UBA6: variants seen among roughly 807,000 people sequenced by gnomAD.
UBA6 encodes the protein ubiquitin like modifier activating enzyme 6.
In UBA6, 87 loss-of-function variants were observed where a neutral mutation model predicts 148.3. The observed-to-expected ratio is 0.59, with a 90% CI of 0.49 to 0.70. The LOEUF is 0.70. Ranked by LOEUF, UBA6 falls within the 30% of genes least tolerant of loss-of-function variation. The pLI is 0.00. For synonymous variants in UBA6, 376 were observed against 401.0 expected, an observed-to-expected ratio of 0.94 and a Z score of 0.75; for missense variants, 1,186 against 1,241.2, an observed-to-expected ratio of 0.96 and a Z score of 0.67.
At chr4:67,681,819 T>C (rs1336563208) in intron 3 of UBA6, among the ~76,000 whole-genome samples, 2 of 152,222 alleles carry the variant, frequency 1.3e-5, no homozygotes, top group Admixed American at 1.3e-4. Flanking sequence ...TTTCAACGTA[T>C]TCTTCCAGAT....
intron 9 of UBA6, among the ~76,000 whole-genome samples, chr4:67,666,330 C>T (rs148523648): frequency 3.1e-3 from 463 of 151,288 alleles, no homozygotes; most frequent in African/African-American, 0.011. Context: ...TAAGCCCCCC[C>T]TTTACTTAAT....
At chr4:67,675,602 G>A (rs563108438) in intron 6 of UBA6, among the ~76,000 whole-genome samples, 33 of 152,146 alleles carry the variant, frequency 2.2e-4, no homozygotes, top group Middle Eastern at 6.8e-3. Context: ...GTGGTGGCAC[G>A]TGCCTGTGAT....
intron 2 of UBA6, among the ~76,000 whole-genome samples, chr4:67,683,561 AT>A (rs1297819929): frequency 6.9e-6 from 1 of 144,856 alleles, no homozygotes; most frequent in Non-Finnish European, 1.5e-5. Context: ...ACATTATGAG[AT>A]TTTTTTGCAA....
Position 67,649,205 on chromosome 4 carries a change from C to A in UBA6, c.1111G>T (p.Val371Leu). 1 of 1,607,868 alleles carries A rather than the reference C, an allele frequency of 6.2e-7. No homozygotes were observed. Residue 371 changes from valine to leucine, a missense_variant, in exon 14 of 33, where the codon GTA becomes TTA. Coordinates refer to ENST00000322244, the MANE Select transcript of UBA6 (RefSeq NM_018227.6). ...AGCCAATGCACAATGTCAGCATTTA[C>A]ATCAGGCTAAAACAAAAGCCATAAA... ...ISETLEEKPD[V>L]NADIVHWLSW... is the part of the protein sequence containing the mutation.
In UBA6 at chr4:67,664,447, T is replaced by A. The variant is rs533218558; in HGVS notation, c.898-500A>T. On this transcript the variant is annotated intron_variant, in intron 10 of 32. Transcript: ENST00000322244. Reference sequence around the variant, plus strand: ...GATATAGTATTTTAATTTTTTTTTTTAATTCTAACTTTGGGTTGAACAAAG... The same window carrying A: ...GATATAGTATTTTAATTTTTTTTTTAAATTCTAACTTTGGGTTGAACAAAG... 1.4e-4 allele frequency among the ~76,000 whole-genome samples: 21 copies of A among 152,098 alleles called. No homozygotes were observed. The East Asian group carries it at 3.3e-3, about 24-fold the overall frequency.
At position 67,701,036 on chromosome 4, in the gene UBA6, C is replaced by T; in HGVS notation, c.71+13G>A. 1 of 1,613,754 alleles carries T rather than the reference C, an allele frequency of 6.2e-7. No individual in the cohort carries two copies. The highest frequency in any genetic ancestry group is 2.2e-5 in the East Asian group (1 of 44,866). ...CCCGCGACCCCTCACCTTCGCCCTT[C>T]TCGTCCTCTCACCTGCCAGTCCCCC... is the stretch of plus-strand genomic sequence containing the variant. On this transcript the variant is annotated intron_variant, in intron 1 of 32. Transcript: ENST00000322244.
At chr4:67,625,410 CGAT>C (rs1461948798) in intron 28 of UBA6, among the ~76,000 whole-genome samples, 2 of 139,678 alleles carry the variant, frequency 1.4e-5, no homozygotes, top group African/African-American at 2.6e-5. Context: ...AAAAAAAAAA[CGAT>C]GGTTTTAATG....
In UBA6 at chr4:67,678,623, T is replaced by C. The variant is rs1392791575; in HGVS notation, c.259-90A>G. 6.4e-5 allele frequency: 35 copies of C among 544,254 alleles called. No individual in the cohort carries two copies. The South Asian group carries it at 7.0e-4, about 11-fold the overall frequency. 33.7% of individuals were successfully genotyped at this position (544,254 alleles called of 1,614,324 possible). On this transcript the variant is annotated intron_variant, in intron 4 of 32. Coordinates refer to ENST00000322244, the MANE Select transcript of UBA6 (RefSeq NM_018227.6). Reference sequence around the variant, plus strand: ...TACTGACAATGTACTAGAACTATTATTTTGTGTAATTAGACAATGAAAAGT... The same window carrying C: ...TACTGACAATGTACTAGAACTATTACTTTGTGTAATTAGACAATGAAAAGT...
At chr4:67,619,256 G>C (rs184387427) in intron 32 of UBA6, 124 bp from the exon 33 acceptor site, 2 of 681,136 alleles carry the variant, frequency 2.9e-6, no homozygotes, top group East Asian at 5.5e-5. Context: ...ATAATAATCT[G>C]CTTTCACATA....
intron 32 of UBA6, among the ~76,000 whole-genome samples, chr4:67,622,011 C>T (rs761720907): frequency 6.6e-6 from 1 of 152,066 alleles, no homozygotes; most frequent in Non-Finnish European, 1.5e-5. Flanking sequence ...AGGTCACTGT[C>T]TCAGAGTTAC....
chr4:67,616,113 T>C lies in UBA6; in HGVS notation c.*2884A>G, dbSNP rs190692834. ...TATGACATAGAGCAAAATGAACACA[T>C]ATTATCAATGGATACTTAACTCTGA... is the stretch of plus-strand genomic sequence containing the variant. On this transcript the variant is annotated 3_prime_UTR_variant, in exon 33 of 33. Coordinates refer to ENST00000322244, the MANE Select transcript of UBA6 (RefSeq NM_018227.6). 3.2e-4 allele frequency: 125 copies of C among 396,550 alleles called. No individual in the cohort carries two copies. The highest frequency in any genetic ancestry group is 2.2e-3 in the African/African-American group (108 of 48,640). The allele number at this position is 396,550 out of a possible 1,614,324, so 24.6% of individuals were successfully genotyped here. A position where few individuals can be genotyped will look rare whatever the true frequency, so the allele number is the denominator to read the frequency against.
chr4:67,639,244 T>C, intron 18 of UBA6, 120 bp from the exon 19 acceptor site: 3 of 677,424 alleles, frequency 4.4e-6, no homozygotes, highest in Non-Finnish European at 4.7e-6. Flanking sequence ...ACATATATAA[T>C]GAGAGTAATG....
At chr4:67,677,767 C>T in intron 5 of UBA6, 45 bp from the exon 6 acceptor site, 1 of 1,017,560 alleles carries the variant, frequency 9.8e-7, no homozygotes, top group Admixed American at 2.1e-5. Context: ...ATTCAATATA[C>T]TCAAATCTCT....
intron 27 of UBA6, 87 bp downstream of exon 27, chr4:67,628,984 T>C (rs933566592): frequency 5.8e-5 from 52 of 899,732 alleles, no homozygotes; most frequent in African/African-American, 2.8e-4. Flanking sequence ...GAACCATTCA[T>C]TGTGATATTC....
At chr4:67,672,921 T>C (rs1224879178) in intron 7 of UBA6, among the ~76,000 whole-genome samples, 4 of 152,214 alleles carry the variant, frequency 2.6e-5, no homozygotes, top group African/African-American at 9.7e-5. Flanking sequence ...TCATTCTCTA[T>C]TTTTCTTTAC....
intron 9 of UBA6, among the ~76,000 whole-genome samples, chr4:67,667,516 T>G (rs1200153021): frequency 6.6e-6 from 1 of 152,122 alleles, no homozygotes; most frequent in Non-Finnish European, 1.5e-5. Context: ...GGATATATTT[T>G]GCCGTCATTA....
At chr4:67,690,274 G>T (rs1342029801) in intron 2 of UBA6, among the ~76,000 whole-genome samples, 1 of 151,950 alleles carries the variant, frequency 6.6e-6, no homozygotes, top group African/African-American at 2.4e-5. Flanking sequence ...GAATGAAACT[G>T]GACCCTTATA....
intron 13 of UBA6, among the ~76,000 whole-genome samples, chr4:67,649,522 C>G (rs1368225355): frequency 1.3e-5 from 2 of 151,912 alleles, no homozygotes; most frequent in Non-Finnish European, 2.9e-5. Flanking sequence ...TTCTGTGATG[C>G]CAGTCAGACA....
chr4:67,619,047 C>A lies in UBA6; in HGVS notation c.3109G>T (p.Asp1037Tyr), dbSNP rs768540180. 2.5e-6 allele frequency: 4 copies of A among 1,613,902 alleles called. No homozygotes were observed. The highest frequency in any genetic ancestry group is 3.4e-6 in the Non-Finnish European group (4 of 1,179,810). The change falls in exon 33 of 33, where the codon GAT (aspartate) becomes TAT (tyrosine). Residue 1037 changes from aspartate to tyrosine, a missense_variant. Physicochemically the swap from Asp to Tyr is radical, Grantham distance 160. Transcript: ENST00000322244. ...SFAPDIDGDE[D>Y]LPGPPVRYYF... ...TATCTTACTGGAGGTCCCGGCAAAT[C>A]TTCATCTCCATCAATGTCTGGAGCA...
Sources: allele counts gnomAD v4.1 joint callset (sites outside exome capture counted in the v4.1 genomes callset), GRCh38; gene constraint gnomAD v4.1.1; transcripts MANE v1.5; gene names NCBI Gene and HGNC (gene_info 2026-07-23, HGNC 2026-07-21).